The following DOCK3 variants were observed in gnomAD, a reference collection of about 807,000 sequenced individuals.
DOCK3 encodes dedicator of cytokinesis 3.
Under a neutral mutation model 265.6 loss-of-function variants are expected in DOCK3, and 60 were observed. That is an observed-to-expected ratio of 0.23 (90% CI 0.18 to 0.28). The LOEUF (loss-of-function observed/expected upper bound fraction) is 0.28, where lower values mean the gene tolerates loss of function less well. Among genes scored for constraint, DOCK3 ranks in the 10% least tolerant of loss-of-function variants. The probability of loss-of-function intolerance (pLI) is 1.00; values close to 1 mark genes in which losing one functional copy is unlikely to be tolerated. For missense variants in DOCK3, 1,981 were observed against 2,594.3 expected (o/e 0.76, Z 5.14); for synonymous variants, 881 against 938.0 (o/e 0.94, Z 1.11).
At chr3:51,286,572 A>G (rs1281964585) in intron 27 of DOCK3, among the ~76,000 whole-genome samples, 1 of 152,232 alleles carries the variant, frequency 6.6e-6, no homozygotes, top group Non-Finnish European at 1.5e-5. Flanking sequence ...AAACTATACT[A>G]CAAGGCTACA....
intron 38 of DOCK3, among the ~76,000 whole-genome samples, chr3:51,343,980 G>A (rs1411733223): frequency 1.3e-5 from 2 of 152,230 alleles, no homozygotes; most frequent in Non-Finnish European, 2.9e-5. Context: ...GACAGGATAT[G>A]GCAGGGTGAG....
chr3:51,065,266 T>C (rs960684878), intron 6 of DOCK3, among the ~76,000 whole-genome samples: 2 of 152,168 alleles, frequency 1.3e-5, no homozygotes, highest in African/African-American at 4.8e-5. Context: ...ATTGGGTCCA[T>C]TGAACTTTTA....
intron 5 of DOCK3, among the ~76,000 whole-genome samples, chr3:50,997,444 A>G (rs939634623): frequency 2.6e-5 from 4 of 152,112 alleles, no homozygotes; most frequent in African/African-American, 9.7e-5. Flanking sequence ...AGTATTGGTT[A>G]TTGTGGAAAT....
chr3:50,687,871 G>A (rs767848786), intron 1 of DOCK3, among the ~76,000 whole-genome samples: 22 of 152,164 alleles, frequency 1.4e-4, no homozygotes, highest in Admixed American at 2.6e-4. Flanking sequence ...CAACAAAGGT[G>A]CACACAACAT....
chr3:51,150,546 T>G (rs1199126589), intron 10 of DOCK3, among the ~76,000 whole-genome samples: 1 of 152,244 alleles, frequency 6.6e-6, no homozygotes, highest in Admixed American at 6.5e-5. Flanking sequence ...GTCTTCATTC[T>G]CATTGGTTTC....
intron 5 of DOCK3, among the ~76,000 whole-genome samples, chr3:50,999,684 A>G (rs1256836773): frequency 6.6e-6 from 1 of 152,160 alleles, no homozygotes; most frequent in Non-Finnish European, 1.5e-5. Flanking sequence ...CAAACTCAAC[A>G]TGTGCAAAAA....
At chr3:51,251,408 G>A (rs1432919567) in intron 22 of DOCK3, among the ~76,000 whole-genome samples, 1 of 152,278 alleles carries the variant, frequency 6.6e-6, no homozygotes, top group East Asian at 1.9e-4. Context: ...TTGGGCAAAT[G>A]GTATTTCTAG....
intron 4 of DOCK3, among the ~76,000 whole-genome samples, chr3:50,901,916 C>T (rs897620018): frequency 6.6e-6 from 1 of 152,124 alleles, no homozygotes; most frequent in Non-Finnish European, 1.5e-5. Context: ...TGTTCCTATT[C>T]GGCCATCTTG....
chr3:51,276,584 A>G (rs1367784295), intron 25 of DOCK3: 1 of 282,196 alleles, frequency 3.5e-6, no homozygotes, highest in Non-Finnish European at 5.3e-6. Context: ...TTTGGTCCCA[A>G]GAGCTGCTCA....
intron 1 of DOCK3, among the ~76,000 whole-genome samples, chr3:50,746,619 T>G (rs571769053): frequency 1.6e-4 from 24 of 152,260 alleles, no homozygotes; most frequent in Non-Finnish European, 3.4e-4. Flanking sequence ...AAAAGACGCT[T>G]AATTGGTTCA....
intron 9 of DOCK3, among the ~76,000 whole-genome samples, chr3:51,108,635 A>G (rs2083389276): frequency 6.6e-6 from 1 of 152,208 alleles, no homozygotes; most frequent in African/African-American, 2.4e-5. Context: ...GCTGTCTTCA[A>G]GAGACCCATC....
At chr3:51,044,313 AAACT>A (rs967496943) in intron 5 of DOCK3, among the ~76,000 whole-genome samples, 3 of 152,124 alleles carry the variant, frequency 2.0e-5, no homozygotes, top group African/African-American at 7.2e-5. Flanking sequence ...TATCCTTAAC[AAACT>A]AACACAAAAA....
At chr3:51,275,027 A>G in intron 24 of DOCK3, 52 bp from the exon 25 acceptor site, 2 of 1,610,234 alleles carry the variant, frequency 1.2e-6, no homozygotes, top group Non-Finnish European at 1.7e-6. Flanking sequence ...GGCTTCCTGC[A>G]GTAGCTAGTT....
intron 3 of DOCK3, among the ~76,000 whole-genome samples, chr3:50,859,259 A>G (rs2046783542): frequency 8.4e-6 from 1 of 119,692 alleles, no homozygotes; most frequent in Non-Finnish European, 1.6e-5. Context: ...CTCTGTCGCC[A>G]GGCTGGAGTA....
rs557126586 is a variant in DOCK3 at position 51,040,600 on chromosome 3, G to A, written c.316-23848G>A. 1.1e-4 allele frequency among the ~76,000 whole-genome samples: 16 copies of A among 152,208 alleles called. 1 individual carries two copies. The South Asian group carries it at 3.1e-3, about 30-fold the overall frequency. ...AGACAACAAATTTGTTGCATCAATT[G>A]ACTGTTCCTTTCATGAAAGATTTCT... On this transcript the variant is annotated intron_variant, in intron 5 of 52. Transcript: ENST00000266037.
chr3:51,032,548 T>G (rs935385924), intron 5 of DOCK3, among the ~76,000 whole-genome samples: 3 of 152,144 alleles, frequency 2.0e-5, no homozygotes, highest in African/African-American at 7.2e-5. Flanking sequence ...TTTTCAATCT[T>G]GTGTTCCTAT....
chr3:51,159,364 C>T, intron 11 of DOCK3, 60 bp downstream of exon 11: 2 of 1,493,568 alleles, frequency 1.3e-6, no homozygotes, highest in Non-Finnish European at 1.9e-6. Context: ...ATAAGTATGT[C>T]TTGTGCATGA....
At chr3:51,202,562 G>C (rs1162819914) in intron 12 of DOCK3, among the ~76,000 whole-genome samples, 1 of 152,104 alleles carries the variant, frequency 6.6e-6, no homozygotes, top group African/African-American at 2.4e-5. Context: ...GGACCAGATG[G>C]ATTCACAGCC....
chr3:51,207,862 G>A (rs534863941), intron 12 of DOCK3, among the ~76,000 whole-genome samples: 14 of 152,166 alleles, frequency 9.2e-5, no homozygotes, highest in Non-Finnish European at 1.9e-4. Flanking sequence ...ACAGGGGACG[G>A]GGTAGAACCA....
Sources: gnomAD v4.1 joint callset for allele counts (sites outside exome capture counted in the v4.1 genomes callset) on GRCh38, gnomAD v4.1.1 for gene constraint, MANE v1.5 for transcripts, NCBI Gene and HGNC (gene_info 2026-07-23, HGNC 2026-07-21) for gene names.